The following MROH7 variants were observed in gnomAD, a reference collection of about 807,000 sequenced individuals.
MROH7 encodes maestro heat like repeat family member 7, also known as maestro heat-like repeat-containing protein family member 7.
A neutral mutation model predicts 129.2 loss-of-function variants in MROH7; 113 were observed. The observed-to-expected ratio is 0.87, with a 90% CI of 0.75 to 1.02. MROH7 has a LOEUF of 1.02. MROH7 is among the 50% of genes least tolerant of loss of function. MROH7 has a pLI of 0.00. For synonymous variants in MROH7, 655 were observed against 667.9 expected, an observed-to-expected ratio of 0.98 and a Z score of 0.30; for missense variants, 1,601 against 1,671.3, an observed-to-expected ratio of 0.96 and a Z score of 0.73.
intron 3 of MROH7, among the ~76,000 whole-genome samples, chr1:54,657,816 A>G (rs563949189): frequency 6.6e-6 from 1 of 151,848 alleles, no homozygotes; most frequent in South Asian, 2.1e-4. Context: ...GTGTGCCACT[A>G]TGCCCGGCTT....
chr1:54,662,024 GC>G (rs1480471748), intron 3 of MROH7, among the ~76,000 whole-genome samples: 2 of 151,928 alleles, frequency 1.3e-5, no homozygotes, highest in Non-Finnish European at 2.9e-5. Context: ...TTTGCAACCA[GC>G]CTGGGCAACA....
At chr1:54,696,070 T>C (rs565531664) in intron 17 of MROH7, among the ~76,000 whole-genome samples, 1 of 152,298 alleles carries the variant, frequency 6.6e-6, no homozygotes, top group Non-Finnish European at 1.5e-5. Context: ...CTAATATTTA[T>C]TGAGCACTTA....
intron 19 of MROH7, among the ~76,000 whole-genome samples, chr1:54,701,603 C>T (rs989815708): frequency 6.6e-6 from 1 of 152,208 alleles, no homozygotes; most frequent in Non-Finnish European, 1.5e-5. Flanking sequence ...TTTTTAAAGG[C>T]AGGATCTTGC....
chr1:54,693,276 C>T (rs577434756), intron 16 of MROH7, among the ~76,000 whole-genome samples: 29 of 152,110 alleles, frequency 1.9e-4, no homozygotes, highest in Non-Finnish European at 3.7e-4. Flanking sequence ...ATAGTGAAAC[C>T]CCATCTCTAC....
At chr1:54,648,462 T>A (rs891515070) in intron 1 of MROH7, among the ~76,000 whole-genome samples, 58 of 151,808 alleles carry the variant, frequency 3.8e-4, no homozygotes, top group Non-Finnish European at 4.4e-4. Flanking sequence ...GCCTCCCAGG[T>A]TCAAGCAACT....
chr1:54,701,347 G>A (rs1212132986), intron 19 of MROH7, 25 bp downstream of exon 19: 2 of 1,537,448 alleles, frequency 1.3e-6, no homozygotes, highest in African/African-American at 1.4e-5. Flanking sequence ...GAGCGAAGGA[G>A]CAGGAGGGAT....
At chr1:54,665,265 C>A (rs770285285) in intron 4 of MROH7, 25 bp downstream of exon 4, 18 of 1,597,322 alleles carry the variant, frequency 1.1e-5, no homozygotes, top group Middle Eastern at 1.8e-4. Context: ...CAACCCCTAG[C>A]TGACTGTGCT....
In MROH7 at chr1:54,684,128, G is replaced by A. The variant is rs556880180; in HGVS notation, c.2520+1334G>A. On this transcript the variant is annotated intron_variant, in intron 14 of 23. Coordinates refer to ENST00000421030, the MANE Select transcript of MROH7 (RefSeq NM_001039464.4). ...GTTTAGTGAGCACCTCCTATACTAT[G>A]TGCCAAGCACACTTATAGGTTCTGG... Among the ~76,000 whole-genome samples the A allele has an allele frequency of 1.2e-4, 19 of 152,326 alleles. No individual in the cohort carries two copies. The South Asian group carries it at 3.9e-3, about 32-fold the overall frequency.
chr1:54,695,548 C>T, intron 17 of MROH7, 58 bp downstream of exon 17: 1 of 1,061,118 alleles, frequency 9.4e-7, no homozygotes, highest in East Asian at 2.5e-5. Context: ...CGGTTCACGT[C>T]ACTGGTCATT....
intron 17 of MROH7, chr1:54,697,321 G>A (rs981539714): frequency 7.8e-6 from 2 of 256,400 alleles, no homozygotes; most frequent in Non-Finnish European, 1.5e-5. Flanking sequence ...CTGCAGGTGG[G>A]CTATGAGTTG....
chr1:54,708,044 T>C lies in MROH7; in HGVS notation c.3668-970T>C, dbSNP rs769122740. Among the ~76,000 whole-genome samples, 23 of 152,238 alleles carry C rather than the reference T, an allele frequency of 1.5e-4. 1 individual carries two copies. The highest frequency in any genetic ancestry group is 3.2e-4 in the Non-Finnish European group (22 of 68,014). ...GAAACCAAGAGAAGGATCTAACTTA[T>C]CCGGAGCAAGGTGAGGAAGGACTTC... On this transcript the variant is annotated intron_variant, in intron 22 of 23. Transcript: ENST00000421030.
At chr1:54,671,737 T>G (rs1644907029) in intron 7 of MROH7, among the ~76,000 whole-genome samples, 1 of 152,188 alleles carries the variant, frequency 6.6e-6, no homozygotes, top group Non-Finnish European at 1.5e-5. Flanking sequence ...CATTCATCAC[T>G]TCATTTAGCA....
At chr1:54,708,985 A>G in intron 22 of MROH7, 29 bp from the exon 23 acceptor site, 1 of 1,612,228 alleles carries the variant, frequency 6.2e-7, no homozygotes. Flanking sequence ...CGGAAGACAA[A>G]TGCCCTCACT....
At chr1:54,700,284 C>T (rs556407854) in intron 17 of MROH7, 37 bp from the exon 18 acceptor site, 3 of 1,613,576 alleles carry the variant, frequency 1.9e-6, no homozygotes, top group South Asian at 1.1e-5. Context: ...GCCCTGCCCC[C>T]CTCAGCCTGG....
rs753679544 is a variant in MROH7 at position 54,702,222 on chromosome 1, G to A, written c.3418G>A (p.Glu1140Lys). The A allele has an allele frequency of 4.5e-6, 7 of 1,569,378 alleles. No individual in the cohort carries two copies. Among genetic ancestry groups the A allele is most frequent in the African/African-American group, 2.7e-5 (2 of 73,838 alleles). Reference protein sequence around the residue: ...TLVPLLLTMQEGNSKVSQKCV... With the variant: ...TLVPLLLTMQKGNSKVSQKCV... ...GGTGCCCCTACTGCTGACCATGCAGGAGGGCAACTCCAAGGTAAGCCAGGT... is the reference window on the plus strand; with the variant it reads ...GGTGCCCCTACTGCTGACCATGCAGAAGGGCAACTCCAAGGTAAGCCAGGT... Residue 1140 changes from glutamate (E) to lysine (K), a missense_variant, in exon 20 of 24, where the codon GAG (glutamate) becomes AAG (lysine). Coordinates refer to ENST00000421030, the MANE Select transcript of MROH7 (RefSeq NM_001039464.4).
intron 16 of MROH7, among the ~76,000 whole-genome samples, chr1:54,693,836 G>A (rs1332408070): frequency 2.0e-5 from 3 of 152,218 alleles, no homozygotes; most frequent in Admixed American, 2.0e-4. Context: ...TCTGTCACAT[G>A]CATGATCCCA....
intron 13 of MROH7, 32 bp from the exon 14 acceptor site, chr1:54,682,624 A>G: frequency 6.3e-7 from 1 of 1,597,272 alleles, no homozygotes; most frequent in Non-Finnish European, 8.5e-7. Flanking sequence ...TGCCTTGGCC[A>G]CCACTAATTG....
rs368289641 is a variant in MROH7, at chr1:54,693,064, G to C, written c.2849+503G>C. On this transcript the variant is annotated intron_variant, in intron 16 of 23. Coordinates refer to ENST00000421030, the MANE Select transcript of MROH7 (RefSeq NM_001039464.4). Reference sequence around the variant, plus strand: ...TACTTTGAATAGGCCAGGCATGGTGGCTCATGCCTGTAATCCCAGTGCTTT... The same window carrying C: ...TACTTTGAATAGGCCAGGCATGGTGCCTCATGCCTGTAATCCCAGTGCTTT... Among the ~76,000 whole-genome samples the C allele has an allele frequency of 1.9e-4, 29 of 152,328 alleles. 1 individual carries two copies. In the East Asian group the frequency reaches 5.0e-3, roughly 26 times the overall value.
chr1:54,702,412 G>A (rs1351508002), intron 20 of MROH7, among the ~76,000 whole-genome samples, 167 bp downstream of exon 20: 1 of 152,036 alleles, frequency 6.6e-6, no homozygotes, highest in African/African-American at 2.4e-5. Flanking sequence ...TCCTCAACAC[G>A]GCCAGCTTCT....
Sources: allele counts gnomAD v4.1 joint callset (sites outside exome capture counted in the v4.1 genomes callset), GRCh38; gene constraint gnomAD v4.1.1; transcripts MANE v1.5; gene names NCBI Gene and HGNC (gene_info 2026-07-23, HGNC 2026-07-21).